Variants in ARB2A observed in about 807,000 individuals in gnomAD.
The protein encoded by ARB2A is ARB2 cotranscriptional regulator A, also known as cotranscriptional regulator ARB2A.
chr5:93,677,934 T>A, the ARB2A span, among the ~76,000 whole-genome samples: 3 of 152,144 alleles, frequency 2.0e-5, no homozygotes, highest in South Asian at 2.1e-4. Context: ...TTTATGTATA[T>A]CAAAATAACA....
At chr5:93,969,655 T>C in the ARB2A span, among the ~76,000 whole-genome samples, 3 of 151,972 alleles carry the variant, frequency 2.0e-5, no homozygotes, top group Non-Finnish European at 4.4e-5. Flanking sequence ...ATAAGGAAAA[T>C]GAAGTATAAT....
At chr5:93,897,087 A>T in the ARB2A span, among the ~76,000 whole-genome samples, 1 of 152,044 alleles carries the variant, frequency 6.6e-6, no homozygotes, top group South Asian at 2.1e-4. Flanking sequence ...AATTTAGTGT[A>T]TAAAAGCAAG....
chr5:93,907,878 T>G, the ARB2A span, among the ~76,000 whole-genome samples: 1 of 151,316 alleles, frequency 6.6e-6, no homozygotes, highest in Non-Finnish European at 1.5e-5. Context: ...AATATTTTAT[T>G]TATACTCAAA....
At chr5:94,025,592 C>A in the ARB2A span, among the ~76,000 whole-genome samples, 1 of 151,194 alleles carries the variant, frequency 6.6e-6, no homozygotes, top group Non-Finnish European at 1.5e-5. Context: ...GACTAAAGAC[C>A]TAAGCGAAAC....
the ARB2A span, among the ~76,000 whole-genome samples, chr5:93,690,218 T>C: frequency 6.6e-6 from 1 of 152,040 alleles, no homozygotes; most frequent in Admixed American, 6.5e-5. Flanking sequence ...TTCAATCCCC[T>C]GGAAAAGGGG....
chr5:93,824,140 G>A, the ARB2A span: 4 of 1,573,406 alleles, frequency 2.5e-6, no homozygotes, highest in Non-Finnish European at 3.4e-6. Context: ...AGTAAAATAA[G>A]CACTTACCAG....
the ARB2A span, among the ~76,000 whole-genome samples, chr5:93,794,870 T>C: frequency 6.6e-6 from 1 of 152,018 alleles, no homozygotes. Context: ...TGTGTGCTGG[T>C]TTTGTGTTGA....
chr5:93,991,551 A>C, the ARB2A span, among the ~76,000 whole-genome samples: 48 of 152,204 alleles, frequency 3.2e-4, no homozygotes, highest in East Asian at 7.9e-3. Context: ...CATAGAGGAA[A>C]ATAAAAGCAT....
chr5:93,628,300 C>T, the ARB2A span, among the ~76,000 whole-genome samples: 8 of 152,000 alleles, frequency 5.3e-5, no homozygotes, highest in Admixed American at 4.6e-4. Flanking sequence ...CCTCCCATCT[C>T]GGCCTCCCAA....
At chr5:94,072,274 GA>G in the ARB2A span, among the ~76,000 whole-genome samples, 1 of 151,972 alleles carries the variant, frequency 6.6e-6, no homozygotes. Flanking sequence ...GCTAGTGGTG[GA>G]ACACTTCTGT....
chr5:93,941,731 C>T, the ARB2A span, among the ~76,000 whole-genome samples: 16 of 152,012 alleles, frequency 1.1e-4, no homozygotes, highest in African/African-American at 3.6e-4. Flanking sequence ...AGTGTCTTTC[C>T]TCTTTTTAGT....
the ARB2A span, among the ~76,000 whole-genome samples, chr5:94,015,316 A>G: frequency 2.6e-5 from 4 of 152,200 alleles, no homozygotes; most frequent in African/African-American, 4.8e-5. Context: ...TCAAATAGGA[A>G]GGAACAATAA....
chr5:94,082,998 CA>C, the ARB2A span, among the ~76,000 whole-genome samples: 1 of 152,168 alleles, frequency 6.6e-6, no homozygotes, highest in African/African-American at 2.4e-5. Flanking sequence ...GGACTTGAAG[CA>C]GGAAAATTCT....
At chr5:93,949,226 A>G in the ARB2A span, among the ~76,000 whole-genome samples, 1 of 152,128 alleles carries the variant, frequency 6.6e-6, no homozygotes, top group Middle Eastern at 3.4e-3. Flanking sequence ...ATGCAGGCAT[A>G]CAATAAGTAA....
chr5:93,706,136 AC>A, the ARB2A span, among the ~76,000 whole-genome samples: 1 of 152,254 alleles, frequency 6.6e-6, no homozygotes, highest in Non-Finnish European at 1.5e-5. Context: ...AAAAGTGAAA[AC>A]AAGCCAAATG....
the ARB2A span, among the ~76,000 whole-genome samples, chr5:94,106,730 T>C: frequency 2.6e-5 from 4 of 151,792 alleles, no homozygotes; most frequent in Non-Finnish European, 4.4e-5. Flanking sequence ...TCAACCTACA[T>C]ACCCATCAAC....
chr5:93,767,096 G>A, the ARB2A span, among the ~76,000 whole-genome samples: 1 of 151,882 alleles, frequency 6.6e-6, no homozygotes, highest in Non-Finnish European at 1.5e-5. Context: ...GTTAAATGAC[G>A]AGTTACTGGG....
At chr5:94,074,715 T>C in the ARB2A span, 11 of 1,612,780 alleles carry the variant, frequency 6.8e-6, no homozygotes, top group East Asian at 6.7e-5. Context: ...TTTATCCAAA[T>C]TGGCAACAAA....
the ARB2A span, among the ~76,000 whole-genome samples, chr5:93,730,863 C>T: frequency 6.6e-6 from 1 of 152,114 alleles, no homozygotes; most frequent in African/African-American, 2.4e-5. Flanking sequence ...TCCGAAAATA[C>T]AGATAAATAA....
Sources: allele counts gnomAD v4.1 joint callset (sites outside exome capture counted in the v4.1 genomes callset), GRCh38; gene constraint gnomAD v4.1.1; transcripts MANE v1.5; gene names NCBI Gene and HGNC (gene_info 2026-07-23, HGNC 2026-07-21).